The following CTIF variants were observed in gnomAD, a reference collection of about 807,000 sequenced individuals.
The protein encoded by CTIF is CBP80/20-dependent translation initiation factor.
In CTIF, 21 loss-of-function variants were observed where a neutral mutation model predicts 66.0. The ratio of observed to expected loss-of-function variants is 0.32; its 90% CI spans 0.23 to 0.46. CTIF has a LOEUF of 0.46. Ranked by LOEUF, CTIF falls within the 20% of genes least tolerant of loss-of-function variation. CTIF has a pLI of 1.00. For missense variants in CTIF, 739 were observed against 812.7 expected, an observed-to-expected ratio of 0.91 and a Z score of 1.10; for synonymous variants, 345 against 326.4, an observed-to-expected ratio of 1.06 and a Z score of -0.62.
chr18:48,764,501 G>A (rs973805252), intron 9 of CTIF, among the ~76,000 whole-genome samples: 3 of 152,146 alleles, frequency 2.0e-5, no homozygotes, highest in South Asian at 2.1e-4. Context: ...GAGGGCCCTC[G>A]GTCGTCAAGG....
chr18:48,608,792 TCCAG>T (rs1423794739), intron 1 of CTIF, among the ~76,000 whole-genome samples: 1 of 152,110 alleles, frequency 6.6e-6, no homozygotes, highest in Non-Finnish European at 1.5e-5. Context: ...CTCTCTCTGC[TCCAG>T]CTGGTCTGTA....
At position 48,724,804 on chromosome 18, in the gene CTIF, C is replaced by T. The variant is rs776158219; in HGVS notation, c.584+13109C>T. 5.0e-4 allele frequency among the ~76,000 whole-genome samples: 76 copies of T among 152,362 alleles called. 1 individual carries two copies. The Middle Eastern group carries it at 0.017, about 34-fold the overall frequency. ...GAGGGCAAGCCCCGGGATCCTGAGT[C>T]ACCTCAGCAGGTGGATAGAGGAGCC... On this transcript the variant is annotated intron_variant, in intron 7 of 11. Transcript: ENST00000256413.
In CTIF at chr18:48,636,669, G is replaced by T; in HGVS notation, c.236G>T (p.Arg79Leu). The T allele has an allele frequency of 4.4e-6, 7 of 1,600,252 alleles. No individual in the cohort carries two copies. Among genetic ancestry groups the T allele is most frequent in the Non-Finnish European group, 5.1e-6 (6 of 1,174,386 alleles). Residue 79 changes from arginine to leucine, a missense_variant, in exon 3 of 12, where the codon CGA becomes CTA. By Grantham distance (102) the Arg-to-Leu change is moderately radical. Around this residue, in one of 2 missense-constraint regions of CTIF, gnomAD observed 529 missense variants for 520.3 expected, o/e 1.02. Coordinates refer to ENST00000256413, the MANE Select transcript of CTIF (RefSeq NM_014772.3). ...AGCAGCTGTTCCTTCTCCCGAGGGC[G>T]AGCCCCCCCACAGCAGGTAGGGAAC... The part of the protein sequence containing the change: ...LDSSCSFSRG[R>L]APPQQNGSKD...
At chr18:48,561,526 C>T (rs1356147548) in intron 1 of CTIF, among the ~76,000 whole-genome samples, 3 of 152,186 alleles carry the variant, frequency 2.0e-5, no homozygotes, top group Non-Finnish European at 4.4e-5. Flanking sequence ...AGAAACTCCA[C>T]TGTGGCAAGA....
Position 48,664,516 on chromosome 18 carries a change from G to C in CTIF, c.396G>C (p.Thr132=). Residue 132 remains threonine (T), a synonymous_variant, in exon 5 of 12, where the codon ACG becomes ACC. Coordinates refer to ENST00000256413, the MANE Select transcript of CTIF (RefSeq NM_014772.3). ...FTQFHRKVRH[T]PKQPLPHIDR... is the part of the protein sequence containing the mutation. The stretch of plus-strand genomic sequence containing the variant: ...AGTTCCACCGCAAAGTCCGACACAC[G>C]CCCAAGCAGCCCCTGCCACACATCG... The C allele has an allele frequency of 6.2e-7, 1 of 1,612,944 alleles. No individual in the cohort carries two copies. The highest frequency in any genetic ancestry group is 8.5e-7 in the Non-Finnish European group (1 of 1,179,934).
chr18:48,809,659 C>T (rs1444659803), intron 9 of CTIF, among the ~76,000 whole-genome samples: 1 of 151,954 alleles, frequency 6.6e-6, no homozygotes, highest in East Asian at 1.9e-4. Context: ...AATGAACTTA[C>T]CTATAAAAAT....
chr18:48,623,913 A>C (rs1210613975), intron 2 of CTIF, among the ~76,000 whole-genome samples: 1 of 151,932 alleles, frequency 6.6e-6, no homozygotes, highest in Non-Finnish European at 1.5e-5. Flanking sequence ...AGACAGATAG[A>C]TAATACATAG....
At chr18:48,777,287 C>G (rs565666892) in intron 9 of CTIF, among the ~76,000 whole-genome samples, 1 of 152,346 alleles carries the variant, frequency 6.6e-6, no homozygotes, top group African/African-American at 2.4e-5. Context: ...CCCTTCCTGC[C>G]TGCGGCCACC....
intron 1 of CTIF, among the ~76,000 whole-genome samples, chr18:48,555,214 A>C (rs532015004): frequency 6.6e-6 from 1 of 152,320 alleles, no homozygotes; most frequent in East Asian, 1.9e-4. Context: ...CTGTTAATGT[A>C]GCCCATGACT....
intron 1 of CTIF, among the ~76,000 whole-genome samples, chr18:48,594,653 T>A (rs947598421): frequency 6.6e-6 from 1 of 152,178 alleles, no homozygotes; most frequent in Non-Finnish European, 1.5e-5. Flanking sequence ...GTGACCTTGT[T>A]GGCAAAAAGC....
At chr18:48,631,274 G>C (rs1247026479) in intron 2 of CTIF, among the ~76,000 whole-genome samples, 2 of 152,122 alleles carry the variant, frequency 1.3e-5, no homozygotes, top group Non-Finnish European at 2.9e-5. Context: ...GACCATCCAG[G>C]GCAACATGGT....
At chr18:48,621,411 G>C (rs2090491264) in intron 2 of CTIF, 1 of 233,072 alleles carries the variant, frequency 4.3e-6, no homozygotes, top group South Asian at 4.2e-5. Flanking sequence ...CTGGAGCAGA[G>C]GATGAGGGAG....
intron 10 of CTIF, among the ~76,000 whole-genome samples, chr18:48,857,204 G>A (rs766564257): frequency 3.3e-5 from 5 of 152,168 alleles, no homozygotes; most frequent in Non-Finnish European, 5.9e-5. Flanking sequence ...CCAATTATAC[G>A]TCTCTAAGCT....
rs1019874457 is a variant in CTIF, at chr18:48,860,502, C to T, written c.*943C>T. Reference sequence around the variant, plus strand: ...TGTTCCTCGCCACTGGCTTCCAGCGCCTCTGTTTTCTCAAAGGGCTGATAC... The same window carrying T: ...TGTTCCTCGCCACTGGCTTCCAGCGTCTCTGTTTTCTCAAAGGGCTGATAC... On this transcript the variant is annotated 3_prime_UTR_variant, in exon 12 of 12. Coordinates refer to ENST00000256413, the MANE Select transcript of CTIF (RefSeq NM_014772.3). 1 of 155,304 alleles carries T rather than the reference C, an allele frequency of 6.4e-6. No homozygotes were observed. The highest frequency in any genetic ancestry group is 2.4e-5 in the African/African-American group (1 of 41,492). 9.6% of individuals were successfully genotyped at this position (155,304 alleles called of 1,614,324 possible).
chr18:48,580,447 A>ACT (rs1198422978), intron 1 of CTIF, among the ~76,000 whole-genome samples: 3 of 150,362 alleles, frequency 2.0e-5, no homozygotes, highest in African/African-American at 7.4e-5. Flanking sequence ...AAACATTCTA[A>ACT]CTCTCGGGGG....
intron 6 of CTIF, among the ~76,000 whole-genome samples, chr18:48,699,631 CTT>C (rs576109584): frequency 4.9e-4 from 74 of 152,334 alleles, no homozygotes; most frequent in Non-Finnish European, 8.8e-4. Context: ...GACGCAAGTG[CTT>C]ACGAAGCCTC....
intron 1 of CTIF, among the ~76,000 whole-genome samples, chr18:48,541,561 A>T (rs2088621147): frequency 6.6e-6 from 1 of 152,090 alleles, no homozygotes; most frequent in Non-Finnish European, 1.5e-5. Context: ...TTTCAAGAAA[A>T]CCCAATTATA....
intron 2 of CTIF, among the ~76,000 whole-genome samples, chr18:48,627,435 G>A (rs918496986): frequency 9.2e-5 from 14 of 152,110 alleles, no homozygotes; most frequent in Non-Finnish European, 1.2e-4. Context: ...TTAGGAGTGA[G>A]GATTTGGGCA....
intron 1 of CTIF, among the ~76,000 whole-genome samples, chr18:48,603,421 G>A (rs2090138322): frequency 7.1e-6 from 1 of 140,810 alleles, no homozygotes; most frequent in African/African-American, 2.6e-5. Context: ...ATTGATGGAT[G>A]GATGGCTAGA....
Sources: allele counts gnomAD v4.1 joint callset (sites outside exome capture counted in the v4.1 genomes callset), GRCh38; gene constraint gnomAD v4.1.1; regional missense constraint gnomAD v4.1.1; transcripts MANE v1.5; gene names NCBI Gene and HGNC (gene_info 2026-07-23, HGNC 2026-07-21).